CCDC117: variants seen among roughly 807,000 people sequenced by gnomAD.
CCDC117 encodes coiled-coil domain-containing protein 117.
In CCDC117, 1 loss-of-function variant was observed where a neutral mutation model predicts 23.5. The ratio of observed to expected loss-of-function variants is 0.04; its 90% CI spans 0.02 to 0.20. The LOEUF is 0.20. Ranked by LOEUF, CCDC117 falls within the 10% of genes least tolerant of loss-of-function variation. The probability of loss-of-function intolerance (pLI) is 1.00; values close to 1 mark genes in which losing one functional copy is unlikely to be tolerated. For missense variants in CCDC117, 383 were observed against 348.2 expected (o/e 1.10, Z -0.80); for synonymous variants, 132 against 124.8 (o/e 1.06, Z -0.39).
chr22:28,772,738 C>A lies in CCDC117; in HGVS notation c.-112C>A, dbSNP rs1206206203. The A allele has an allele frequency of 1.2e-5, 10 of 852,986 alleles. No homozygotes were observed. Among genetic ancestry groups the A allele is most frequent in the Non-Finnish European group, 1.5e-5 (10 of 651,282 alleles). The allele number at this position is 852,986 out of a possible 1,614,324, so 52.8% of individuals were successfully genotyped here. A position where few individuals can be genotyped will look rare whatever the true frequency, so the allele number is the denominator to read the frequency against. ...GGTTCTAGAAGGCGTGACGTGGGGT[C>A]GAGAGCGGGATCCGAGGCTGGCGGG... On this transcript the variant is annotated 5_prime_UTR_variant, in exon 1 of 5. Coordinates refer to ENST00000249064, the MANE Select transcript of CCDC117 (RefSeq NM_173510.4).
chr22:28,781,126 CCA>C lies in CCDC117; in HGVS notation c.421_422del (p.Gln141ValfsTer2). On this transcript the variant is annotated frameshift_variant, in exon 3 of 5. Transcript: ENST00000249064. LOFTEE classifies it high-confidence loss of function. ...AGAAATGGATCAGACAACTGGAGAA[CCA>C]CAGTGTGAAGTTGCCCGAAGGAAGC... ...CEEMDQTTGE[P>X]QCEVARRKLQ... 6.2e-7 allele frequency: 1 copy of C among 1,613,788 alleles called. No individual in the cohort carries two copies.
At chr22:28,783,734 C>A in intron 4 of CCDC117, 89 bp downstream of exon 4, 1 of 1,234,034 alleles carries the variant, frequency 8.1e-7, no homozygotes, top group South Asian at 1.3e-5. Context: ...CTCATTAGCT[C>A]TTTTTATCTC....
At chr22:28,783,870 G>T (rs1251001657) in intron 4 of CCDC117, among the ~76,000 whole-genome samples, 1 of 152,126 alleles carries the variant, frequency 6.6e-6, no homozygotes, top group East Asian at 1.9e-4. Flanking sequence ...TGGTTCCTTT[G>T]AAGACCTGAA....
Position 28,783,582 on chromosome 22 carries a change from C to T in CCDC117, c.539C>T (p.Thr180Ile). The part of the protein sequence containing the change: ...NHLPSLVLSD[T>I]MKTGLKREFD... The stretch of plus-strand genomic sequence containing the variant: ...CTCCCCAGTCTTGTCCTTTCTGATA[C>T]CATGAAAACAGGTTTGAAGAGGGAA... The change falls in exon 4 of 5, where the codon ACC becomes ATC. Residue 180 changes from threonine (T) to isoleucine (I), a missense_variant. By Grantham distance (89) the Thr-to-Ile change is moderately conservative (BLOSUM62 -1). Coordinates refer to ENST00000249064, the MANE Select transcript of CCDC117 (RefSeq NM_173510.4). 6.2e-7 allele frequency: 1 copy of T among 1,613,542 alleles called. No individual in the cohort carries two copies. The highest frequency in any genetic ancestry group is 8.5e-7 in the Non-Finnish European group (1 of 1,179,580).
At chr22:28,777,816 A>G (rs904699352) in intron 2 of CCDC117, among the ~76,000 whole-genome samples, 13 of 151,236 alleles carry the variant, frequency 8.6e-5, no homozygotes, top group Non-Finnish European at 1.6e-4. Flanking sequence ...TGTTTATGCA[A>G]ATTTTCTATT....
Position 28,784,677 on chromosome 22 carries a change from A to C in CCDC117, c.602+1032A>C, listed in dbSNP as rs536263242. Among the ~76,000 whole-genome samples the C allele has an allele frequency of 2.0e-5, 3 of 152,354 alleles. No individual in the cohort carries two copies. In the East Asian group the frequency reaches 5.8e-4, roughly 29 times the overall value. On this transcript the variant is annotated intron_variant, in intron 4 of 4. Transcript: ENST00000249064. ...CCCTAAGGGTGGGTAAATAGCCAGA[A>C]GTAAGCTGGTCACGTTGCCCTCCAG... is the stretch of plus-strand genomic sequence containing the variant.
rs2031580820 is a variant in CCDC117 at position 28,788,449 on chromosome 22, G to A, written c.*2123G>A. On this transcript the variant is annotated 3_prime_UTR_variant, in exon 5 of 5. Coordinates refer to ENST00000249064, the MANE Select transcript of CCDC117 (RefSeq NM_173510.4). ...GATTGTCTTCTACAGGAATTGCTGG[G>A]CAGGTCTCCGACTAAAGGTCTTATG... 6.6e-6 allele frequency: 1 copy of A among 152,358 alleles called. No individual in the cohort carries two copies. The highest frequency in any genetic ancestry group is 6.5e-5 in the Admixed American group (1 of 15,274). 9.4% of individuals were successfully genotyped at this position (152,358 alleles called of 1,614,324 possible).
chr22:28,774,959 TTC>T (rs1389993623), intron 2 of CCDC117, among the ~76,000 whole-genome samples: 1 of 152,106 alleles, frequency 6.6e-6, no homozygotes, highest in Non-Finnish European at 1.5e-5. Context: ...TTTACGTAAT[TTC>T]TCTTTCAATA....
chr22:28,784,393 T>C (rs911195826), intron 4 of CCDC117, among the ~76,000 whole-genome samples: 4 of 152,258 alleles, frequency 2.6e-5, no homozygotes, highest in Admixed American at 6.5e-5. Context: ...TTGTCATTAT[T>C]CACTATGTAA....
intron 2 of CCDC117, among the ~76,000 whole-genome samples, chr22:28,780,272 G>A (rs11913463): frequency 0.016 from 2,431 of 152,288 alleles, 76 homozygotes; most frequent in African/African-American, 0.055. Flanking sequence ...GTTGGACACT[G>A]ATAGAGCCTC....
chr22:28,777,277 C>A (rs1489757723), intron 2 of CCDC117, among the ~76,000 whole-genome samples: 1 of 152,010 alleles, frequency 6.6e-6, no homozygotes, highest in African/African-American at 2.4e-5. Context: ...CGCTCGCCCG[C>A]TGGCCCTGGC....
rs2031514434 is a variant in CCDC117, at chr22:28,786,463, G to A, written c.*137G>A. Reference sequence around the variant, plus strand: ...ATCTCCACCTGTGATTTGGGGGTGGGACTCTTATTTTGGGTAGCCATTTAT... The same window carrying A: ...ATCTCCACCTGTGATTTGGGGGTGGAACTCTTATTTTGGGTAGCCATTTAT... On this transcript the variant is annotated 3_prime_UTR_variant, in exon 5 of 5. Coordinates refer to ENST00000249064, the MANE Select transcript of CCDC117 (RefSeq NM_173510.4). 1 of 615,382 alleles carries A rather than the reference G, an allele frequency of 1.6e-6. No homozygotes were observed. Among genetic ancestry groups the A allele is most frequent in the Non-Finnish European group, 2.8e-6 (1 of 363,170 alleles). 38.1% of individuals were successfully genotyped at this position (615,382 alleles called of 1,614,324 possible).
Position 28,786,165 on chromosome 22 carries a change from A to AAG in CCDC117, c.680_681insGA (p.Asn227LysfsTer15). ...TTCTGATAAGCCAAAGCCATCCTCT[A>AAG]ATACTAAGAACTATACAGGAGAGAG... On this transcript the variant is annotated frameshift_variant, in exon 5 of 5. Coordinates refer to ENST00000249064, the MANE Select transcript of CCDC117 (RefSeq NM_173510.4). LOFTEE classifies it high-confidence loss of function. The AAG allele has an allele frequency of 6.2e-7, 1 of 1,614,132 alleles. No individual in the cohort carries two copies. The highest frequency in any genetic ancestry group is 1.1e-5 in the South Asian group (1 of 91,088).
At chr22:28,776,491 C>G (rs555206352) in intron 2 of CCDC117, among the ~76,000 whole-genome samples, 1 of 151,896 alleles carries the variant, frequency 6.6e-6, no homozygotes, top group South Asian at 2.1e-4. Flanking sequence ...AGCGCAGGCT[C>G]AGCTCACTGT....
chr22:28,772,696 A>G lies in CCDC117; in HGVS notation c.-154A>G, dbSNP rs1601417021. On this transcript the variant is annotated 5_prime_UTR_variant, in exon 1 of 5. Transcript: ENST00000249064. ...CACAACAAATCCCGGCATGCCCCCG[A>G]GCGGCCTGAGGTGGAGGGTTCTAGA... 14 of 481,766 alleles carry G rather than the reference A, an allele frequency of 2.9e-5. No homozygotes were observed. The East Asian group carries it at 5.1e-4, about 18-fold the overall frequency. The allele number at this position is 481,766 out of a possible 1,614,324, so 29.8% of individuals were successfully genotyped here. A position where few individuals can be genotyped will look rare whatever the true frequency, so the allele number is the denominator to read the frequency against.
chr22:28,773,008 T>A lies in CCDC117; in HGVS notation c.159T>A (p.Ser53Arg). Reference protein sequence around the residue: ...PRPGPRAVPSSPAGSAARGRV... With the variant: ...PRPGPRAVPSRPAGSAARGRV... The stretch of plus-strand genomic sequence containing the variant: ...CGGGACCTCGCGCAGTCCCTAGCAG[T>A]CCCGCTGGGAGTGCGGCGCGCGGAC... The change falls in exon 1 of 5, where the codon AGT becomes AGA. Residue 53 changes from serine (S) to arginine (R), a missense_variant. Ser to Arg is a moderately radical substitution (Grantham distance 110). Coordinates refer to ENST00000249064, the MANE Select transcript of CCDC117 (RefSeq NM_173510.4). 1 of 1,168,724 alleles carries A rather than the reference T, an allele frequency of 8.6e-7. No individual in the cohort carries two copies. Among genetic ancestry groups the A allele is most frequent in the South Asian group, 4.2e-5 (1 of 23,760 alleles). The allele number at this position is 1,168,724 out of a possible 1,614,324, so 72.4% of individuals were successfully genotyped here.
chr22:28,784,970 C>A (rs543028521), intron 4 of CCDC117, among the ~76,000 whole-genome samples: 2 of 151,972 alleles, frequency 1.3e-5, no homozygotes, highest in Admixed American at 1.3e-4. Flanking sequence ...GGAGTTTTCA[C>A]CATGTTAGCC....
intron 3 of CCDC117, among the ~76,000 whole-genome samples, chr22:28,781,714 G>T (rs897902488): frequency 2.0e-5 from 3 of 151,542 alleles, no homozygotes; most frequent in African/African-American, 7.3e-5. Flanking sequence ...TGCCATCTTG[G>T]CTCAATGCAA....
chr22:28,779,825 C>G (rs538807999), intron 2 of CCDC117, among the ~76,000 whole-genome samples: 1 of 152,300 alleles, frequency 6.6e-6, no homozygotes, highest in Non-Finnish European at 1.5e-5. Flanking sequence ...GGTTATAAAG[C>G]TGTATTCTGG....
Sources: allele counts gnomAD v4.1 joint callset (sites outside exome capture counted in the v4.1 genomes callset), GRCh38; gene constraint gnomAD v4.1.1; transcripts MANE v1.5; gene names NCBI Gene and HGNC (gene_info 2026-07-23, HGNC 2026-07-21).